Variants in SERBP1 observed in about 807,000 individuals in gnomAD.
The protein encoded by SERBP1 is SERPINE1 mRNA-binding protein 1.
Under a neutral mutation model 50.2 loss-of-function variants are expected in SERBP1, and 6 were observed. That is an observed-to-expected ratio of 0.12 (90% CI 0.07 to 0.24). The LOEUF (loss-of-function observed/expected upper bound fraction) is 0.24. SERBP1 is among the 10% of genes least tolerant of loss of function. The pLI, the probability that SERBP1 is intolerant of heterozygous loss-of-function variation, is 1.00. For synonymous variants in SERBP1, 168 were observed against 182.8 expected, an observed-to-expected ratio of 0.92 and a Z score of 0.65; for missense variants, 346 against 524.9, an observed-to-expected ratio of 0.66 and a Z score of 3.33.
chr1:67,409,405 A>ACACACACC lies in SERBP1; in HGVS notation c.*3801_*3802insGGTGTGTG, dbSNP rs1461592641. On this transcript the variant is annotated 3_prime_UTR_variant, in exon 8 of 8. Transcript: ENST00000361219. ...GACACGGACACACACACACACACAC[A>ACACACACC]CACACACACACACACCCCCACACAC... The ACACACACC allele has an allele frequency of 9.3e-6, 1 of 107,404 alleles. No individual in the cohort carries two copies. Among genetic ancestry groups the ACACACACC allele is most frequent in the Non-Finnish European group, 1.9e-5 (1 of 53,686 alleles). 6.7% of individuals were successfully genotyped at this position (107,404 alleles called of 1,614,324 possible). A position where few individuals can be genotyped will look rare whatever the true frequency, so the allele number is the denominator to read the frequency against.
chr1:67,425,057 G>A (rs1472191186), intron 3 of SERBP1, 26 bp downstream of exon 3: 1 of 1,600,780 alleles, frequency 6.2e-7, no homozygotes, highest in Non-Finnish European at 8.5e-7. Flanking sequence ...AAATATTAAA[G>A]TAAAATAAAA....
chr1:67,419,723 TATC>T, intron 6 of SERBP1: 1 of 318,532 alleles, frequency 3.1e-6, no homozygotes, highest in Non-Finnish European at 5.7e-6. Flanking sequence ...TGAAAAGAAC[TATC>T]ATATTTCTGA....
intron 5 of SERBP1, among the ~76,000 whole-genome samples, chr1:67,423,179 A>G (rs981303723): frequency 4.6e-5 from 7 of 151,360 alleles, no homozygotes; most frequent in African/African-American, 1.7e-4. Context: ...GGTGCCTGTA[A>G]TCCCAGCTAC....
intron 6 of SERBP1, among the ~76,000 whole-genome samples, chr1:67,419,553 T>C (rs905424235): frequency 3.3e-5 from 5 of 152,234 alleles, no homozygotes; most frequent in African/African-American, 1.2e-4. Flanking sequence ...CCATTATATA[T>C]GGTATAGGCA....
At chr1:67,424,064 A>G in intron 5 of SERBP1, 136 bp downstream of exon 5, 1 of 790,392 alleles carries the variant, frequency 1.3e-6, no homozygotes, top group Non-Finnish European at 1.9e-6. Context: ...TCTTTGAGGG[A>G]TGAGGGTACA....
chr1:67,421,045 C>T (rs936529609), intron 5 of SERBP1, among the ~76,000 whole-genome samples: 4 of 152,102 alleles, frequency 2.6e-5, no homozygotes, highest in Non-Finnish European at 5.9e-5. Flanking sequence ...ATTCAGTTAG[C>T]CTTAGAGCTC....
intron 6 of SERBP1, among the ~76,000 whole-genome samples, chr1:67,418,129 C>T (rs563106016): frequency 6.6e-6 from 1 of 151,796 alleles, no homozygotes; most frequent in South Asian, 2.1e-4. Flanking sequence ...GCATGCACCA[C>T]CACACCAGGC....
intron 5 of SERBP1, among the ~76,000 whole-genome samples, chr1:67,421,990 G>A (rs985593071): frequency 6.6e-6 from 1 of 151,986 alleles, no homozygotes; most frequent in African/African-American, 2.4e-5. Context: ...CGTTGCATAG[G>A]GTTCATTTGT....
chr1:67,416,011 C>CTTTTT (rs376512995), intron 6 of SERBP1, among the ~76,000 whole-genome samples: 16 of 125,316 alleles, frequency 1.3e-4, no homozygotes, highest in Admixed American at 7.7e-4. Context: ...TCACAGGAAC[C>CTTTTT]TTTTTTTTTT....
At chr1:67,419,404 A>G (rs955174281) in intron 6 of SERBP1, among the ~76,000 whole-genome samples, 6 of 152,206 alleles carry the variant, frequency 3.9e-5, no homozygotes, top group Admixed American at 6.5e-5. Flanking sequence ...CAGTGCCCCT[A>G]GCATCCTCAT....
At chr1:67,425,272 G>T (rs1389210703) in intron 2 of SERBP1, 49 bp from the exon 3 acceptor site, 1 of 1,513,558 alleles carries the variant, frequency 6.6e-7, no homozygotes, top group Non-Finnish European at 8.9e-7. Flanking sequence ...CAGAAGAAAT[G>T]AGGAAAATTC....
chr1:67,422,702 G>A (rs1056958611), intron 5 of SERBP1, among the ~76,000 whole-genome samples: 3 of 152,096 alleles, frequency 2.0e-5, no homozygotes, highest in African/African-American at 7.2e-5. Context: ...GCTCATGCCC[G>A]TAATCCCAGC....
intron 6 of SERBP1, among the ~76,000 whole-genome samples, chr1:67,417,966 G>GTGT: frequency 8.8e-5 from 11 of 124,780 alleles, no homozygotes; most frequent in African/African-American, 2.3e-4. Context: ...GAAAGTTAAA[G>GTGT]TGTTGTTTTT....
At chr1:67,421,651 T>C (rs969779738) in intron 5 of SERBP1, among the ~76,000 whole-genome samples, 1 of 152,194 alleles carries the variant, frequency 6.6e-6, no homozygotes, top group Admixed American at 6.5e-5. Context: ...TGATTGAACA[T>C]GGGCTCTATT....
In SERBP1 at chr1:67,409,870, C is replaced by T. The variant is rs191784749; in HGVS notation, c.*3337G>A. On this transcript the variant is annotated 3_prime_UTR_variant, in exon 8 of 8. Coordinates refer to ENST00000361219, the MANE Select transcript of SERBP1 (RefSeq NM_001018069.2). ...ATGTATCATTTTACTGCCTTGTTAC[C>T]AGTTATGCCATACAAAGCACAGTAA... The T allele has an allele frequency of 1.3e-5, 2 of 152,266 alleles. No individual in the cohort carries two copies. Among genetic ancestry groups the T allele is most frequent in the East Asian group, 3.9e-4 (2 of 5,182 alleles). The allele number at this position is 152,266 out of a possible 1,614,324, so 9.4% of individuals were successfully genotyped here.
rs1490341810 is a variant in SERBP1, at chr1:67,408,413, C to T, written c.*4794G>A. ...CATTACTGATTTAAAACAGTATATA[C>T]ATACTAACTCAAAAAAATAATTCGG... On this transcript the variant is annotated 3_prime_UTR_variant, in exon 8 of 8. Transcript: ENST00000361219. 1 of 152,104 alleles carries T rather than the reference C, an allele frequency of 6.6e-6. No individual in the cohort carries two copies. Among genetic ancestry groups the T allele is most frequent in the Non-Finnish European group, 1.5e-5 (1 of 68,020 alleles). The allele number at this position is 152,104 out of a possible 1,614,324, so 9.4% of individuals were successfully genotyped here. A position where few individuals can be genotyped will look rare whatever the true frequency, so the allele number is the denominator to read the frequency against.
At chr1:67,414,002 C>G (rs1237208927) in intron 7 of SERBP1, among the ~76,000 whole-genome samples, 1 of 152,158 alleles carries the variant, frequency 6.6e-6, no homozygotes, top group African/African-American at 2.4e-5. Context: ...GTTGGCCAGG[C>G]TGGTCTCAAA....
intron 6 of SERBP1, among the ~76,000 whole-genome samples, chr1:67,416,367 T>C (rs1303334490): frequency 2.0e-5 from 3 of 152,334 alleles, no homozygotes; most frequent in South Asian, 2.1e-4. Context: ...TCTTTTCTAT[T>C]TGCGTTTAAG....
chr1:67,418,549 A>G (rs1557502839), intron 6 of SERBP1, among the ~76,000 whole-genome samples: 1 of 152,080 alleles, frequency 6.6e-6, no homozygotes, highest in Non-Finnish European at 1.5e-5. Flanking sequence ...CACTGAGGCC[A>G]GGAGTTTGAG....
Sources: allele counts gnomAD v4.1 joint callset (sites outside exome capture counted in the v4.1 genomes callset), GRCh38; gene constraint gnomAD v4.1.1; transcripts MANE v1.5; gene names NCBI Gene and HGNC (gene_info 2026-07-23, HGNC 2026-07-21).